DDAH1: variants seen among roughly 807,000 people sequenced by gnomAD.
DDAH1 encodes dimethylarginine dimethylaminohydrolase 1, also known as N(G),N(G)-dimethylarginine dimethylaminohydrolase 1.
A neutral mutation model predicts 28.8 loss-of-function variants in DDAH1; 19 were observed. That is an observed-to-expected ratio of 0.66 (90% CI 0.46 to 0.97). The LOEUF (loss-of-function observed/expected upper bound fraction) is 0.97, where lower values mean the gene tolerates loss of function less well. Ranked by LOEUF, DDAH1 falls within the 50% of genes least tolerant of loss-of-function variation. The pLI, the probability that DDAH1 is intolerant of heterozygous loss-of-function variation, is 0.00. For synonymous variants in DDAH1, 153 were observed against 154.4 expected, an observed-to-expected ratio of 0.99 and a Z score of 0.07; for missense variants, 326 against 375.9, an observed-to-expected ratio of 0.87 and a Z score of 1.10.
chr1:85,365,217 G>C (rs1650010364), intron 1 of DDAH1, among the ~76,000 whole-genome samples: 1 of 152,146 alleles, frequency 6.6e-6, no homozygotes, highest in Admixed American at 6.5e-5. Flanking sequence ...ACTTAGCTTT[G>C]CTCTTAAGTT....
intron 4 of DDAH1, among the ~76,000 whole-genome samples, chr1:85,336,400 A>G (rs1308525393): frequency 6.6e-6 from 1 of 152,198 alleles, no homozygotes; most frequent in African/African-American, 2.4e-5. Flanking sequence ...TGAAAACTAC[A>G]AATACATGGA....
intron 1 of DDAH1, among the ~76,000 whole-genome samples, chr1:85,577,199 C>T (rs1659638326): frequency 6.6e-6 from 1 of 152,030 alleles, no homozygotes; most frequent in Admixed American, 6.6e-5. Context: ...CGGTGCGGAC[C>T]CTCTCCGCTC....
At chr1:85,577,247 G>A (rs1468940842) in intron 1 of DDAH1, among the ~76,000 whole-genome samples, 1 of 152,146 alleles carries the variant, frequency 6.6e-6, no homozygotes, top group Non-Finnish European at 1.5e-5. Context: ...CCCTCTCCGC[G>A]CGTCGGCCAC....
chr1:85,475,321 A>G (rs1043568946), intron 2 of DDAH1, among the ~76,000 whole-genome samples: 3 of 152,210 alleles, frequency 2.0e-5, no homozygotes, highest in African/African-American at 7.2e-5. Flanking sequence ...ATGATGATGG[A>G]GGAGGAGAAG....
chr1:85,561,738 A>G (rs1355678580), intron 1 of DDAH1, among the ~76,000 whole-genome samples: 1 of 152,212 alleles, frequency 6.6e-6, no homozygotes, highest in African/African-American at 2.4e-5. Context: ...TGGAGACCAG[A>G]GAACTGCCTG....
chr1:85,574,244 C>T (rs1182034902), intron 1 of DDAH1, among the ~76,000 whole-genome samples: 4 of 152,216 alleles, frequency 2.6e-5, no homozygotes, highest in Non-Finnish European at 5.9e-5. Flanking sequence ...CATGGTGTTA[C>T]CTGGCTGAAT....
At chr1:85,480,811 G>T (rs1353789916) in intron 2 of DDAH1, among the ~76,000 whole-genome samples, 1 of 151,686 alleles carries the variant, frequency 6.6e-6, no homozygotes, top group Non-Finnish European at 1.5e-5. Flanking sequence ...CAATTGGAAA[G>T]CCCTATAATA....
intron 1 of DDAH1, among the ~76,000 whole-genome samples, chr1:85,400,440 G>A (rs1475566714): frequency 6.6e-6 from 1 of 151,908 alleles, no homozygotes; most frequent in East Asian, 1.9e-4. Context: ...CTGATCTCGG[G>A]TGATCTGCCT....
chr1:85,465,246 C>CCGCGCGCCCACTCCGGCGCTCGCGGGTCT, upstream of DDAH1: 1 of 1,089,182 alleles, frequency 9.2e-7, no homozygotes. Flanking sequence ...CGCGCGCATC[C>CCGCGCGCCCACTCCGGCGCTCGCGGGTCT]CGCGCGCCCA....
intron 1 of DDAH1, among the ~76,000 whole-genome samples, chr1:85,432,925 A>G (rs935822661): frequency 6.6e-6 from 1 of 152,198 alleles, no homozygotes; most frequent in East Asian, 1.9e-4. Context: ...ACAATACCCT[A>G]GACCTTATAA....
chr1:85,511,067 G>A (rs1196464272), intron 1 of DDAH1, among the ~76,000 whole-genome samples: 4 of 152,032 alleles, frequency 2.6e-5, no homozygotes, highest in African/African-American at 4.8e-5. Context: ...GCACCATATC[G>A]CATTTACTCC....
At chr1:85,356,632 G>GGA (rs1383212977) in intron 2 of DDAH1, among the ~76,000 whole-genome samples, 1 of 152,190 alleles carries the variant, frequency 6.6e-6, no homozygotes, top group Non-Finnish European at 1.5e-5. Context: ...AGGTGTGAAT[G>GGA]GAGTGCCAAG....
At chr1:85,561,411 T>G (rs985302933) in intron 1 of DDAH1, among the ~76,000 whole-genome samples, 3 of 152,060 alleles carry the variant, frequency 2.0e-5, no homozygotes, top group Admixed American at 2.0e-4. Context: ...TTGAGAACTA[T>G]TAGGTTGGTG....
chr1:85,499,666 CAA>C (rs56378574), intron 1 of DDAH1, among the ~76,000 whole-genome samples: 2 of 134,922 alleles, frequency 1.5e-5, no homozygotes, highest in African/African-American at 2.8e-5. Context: ...GACTCCATCT[CAA>C]AAAAAAAAAA....
chr1:85,533,193 G>GT (rs1658150759), intron 1 of DDAH1, among the ~76,000 whole-genome samples: 1 of 152,108 alleles, frequency 6.6e-6, no homozygotes, highest in East Asian at 1.9e-4. Flanking sequence ...AATTTTCACC[G>GT]TGTAGACATT....
At chr1:85,566,971 T>C (rs1402121623) in intron 1 of DDAH1, among the ~76,000 whole-genome samples, 1 of 152,164 alleles carries the variant, frequency 6.6e-6, no homozygotes, top group Non-Finnish European at 1.5e-5. Flanking sequence ...GAAGAATCAA[T>C]GTGTCAGATT....
chr1:85,341,811 TCAAAAA>T (rs1383484909), intron 4 of DDAH1, among the ~76,000 whole-genome samples: 1 of 151,410 alleles, frequency 6.6e-6, no homozygotes, highest in Non-Finnish European at 1.5e-5. Flanking sequence ...AGACTCTGTC[TCAAAAA>T]CAAAAACAAA....
At chr1:85,550,896 T>G (rs942448702) in intron 1 of DDAH1, among the ~76,000 whole-genome samples, 2 of 152,232 alleles carry the variant, frequency 1.3e-5, no homozygotes, top group African/African-American at 4.8e-5. Flanking sequence ...TACATAAAGC[T>G]GTTCATGGCA....
At chr1:85,556,679 C>T (rs1658979422) in intron 1 of DDAH1, among the ~76,000 whole-genome samples, 1 of 152,182 alleles carries the variant, frequency 6.6e-6, no homozygotes, top group Admixed American at 6.5e-5. Context: ...TTTCAAGTTT[C>T]TTTCAGAGTT....
Sources: gnomAD v4.1 joint callset for allele counts (sites outside exome capture counted in the v4.1 genomes callset) on GRCh38, gnomAD v4.1.1 for gene constraint, MANE v1.5 for transcripts, NCBI Gene and HGNC (gene_info 2026-07-23, HGNC 2026-07-21) for gene names.